Variants in SPATA33 observed in about 807,000 individuals in gnomAD.
SPATA33 encodes spermatogenesis associated 33.
SPATA33 carries 10 observed loss-of-function variants against 8.9 expected under a neutral mutation model. That is an observed-to-expected ratio of 1.12 (90% CI 0.69 to 1.90). The LOEUF is 1.90. Among genes scored for constraint, SPATA33 ranks in the 40% most tolerant of loss-of-function variants. SPATA33 has a pLI of 0.00. For missense variants in SPATA33, 241 were observed against 178.3 expected, an observed-to-expected ratio of 1.35 and a Z score of -2.00; for synonymous variants, 96 against 72.8, an observed-to-expected ratio of 1.32 and a Z score of -1.63.
At chr16:89,668,290 T>C (rs1815711978) in intron 2 of SPATA33, among the ~76,000 whole-genome samples, 1 of 152,158 alleles carries the variant, frequency 6.6e-6, no homozygotes, top group African/African-American at 2.4e-5. Context: ...CCAGCCTGGG[T>C]GACAGAGCGA....
Position 89,669,556 on chromosome 16 carries a change from C to A in SPATA33, c.*59C>A, listed in dbSNP as rs2060072301. The A allele has an allele frequency of 1.3e-6, 2 of 1,560,484 alleles. No individual in the cohort carries two copies. The highest frequency in any genetic ancestry group is 1.1e-5 in the South Asian group (1 of 89,114). On this transcript the variant is annotated 3_prime_UTR_variant, in exon 3 of 3. Coordinates refer to ENST00000579310, the MANE Select transcript of SPATA33 (RefSeq NM_001271907.2). ...GCGATAGGCGTCTCGGGAACAGCCG[C>A]CTCACCCTGTGAGAAGCCGAGGCCC...
intron 2 of SPATA33, chr16:89,659,704 TAAGG>T (rs1278739463): frequency 6.7e-6 from 1 of 149,908 alleles, no homozygotes; most frequent in Non-Finnish European, 1.5e-5. Context: ...AAAAAAATAA[TAAGG>T]AGAGAACCAC....
chr16:89,669,335 A>G lies in SPATA33; in HGVS notation c.261A>G (p.Pro87=), dbSNP rs1249362688. Residue 87 remains proline (P), a synonymous_variant, in exon 3 of 3, where the codon CCA becomes CCG. Coordinates refer to ENST00000579310, the MANE Select transcript of SPATA33 (RefSeq NM_001271907.2). The stretch of plus-strand genomic sequence containing the variant: ...CCAGCAGGAAGAAAGTGGTCGTTCC[A>G]CAGATCATCATCACGCGAGCGTCGA... ...QKSSRKKVVV[P]QIIITRASNE... The G allele has an allele frequency of 3.1e-6, 5 of 1,614,212 alleles. No homozygotes were observed. The East Asian group carries it at 8.9e-5, about 29-fold the overall frequency.
At chr16:89,664,199 T>C (rs557997634) in intron 2 of SPATA33, among the ~76,000 whole-genome samples, 11 of 152,186 alleles carry the variant, frequency 7.2e-5, no homozygotes, top group African/African-American at 4.8e-5. Context: ...CAAACTCTTA[T>C]AAACAATTGT....
In SPATA33 at chr16:89,657,949, G is replaced by T. The variant is rs1356161103; in HGVS notation, c.37+1G>T. 3 of 1,515,232 alleles carry T rather than the reference G, an allele frequency of 2.0e-6. No individual in the cohort carries two copies. The African/African-American group carries it at 4.3e-5, about 22-fold the overall frequency. 93.9% of individuals were successfully genotyped at this position (1,515,232 alleles called of 1,614,324 possible). On this transcript the variant is annotated splice_donor_variant, in intron 1 of 2. Transcript: ENST00000579310. LOFTEE classifies it high-confidence loss of function. ...AAAAGCAAAGAGAAACCCAGGAAAGGTAAAGGAGGCGCAGGCGCTGGGCTC... is the reference window on the plus strand; with the variant it reads ...AAAAGCAAAGAGAAACCCAGGAAAGTTAAAGGAGGCGCAGGCGCTGGGCTC...
At chr16:89,660,578 C>A (rs938483758) in intron 2 of SPATA33, 380 of 1,227,942 alleles carry the variant, frequency 3.1e-4, no homozygotes, top group Non-Finnish European at 3.7e-4. Context: ...GCTGCTGACT[C>A]CCTTGCCACA....
At chr16:89,669,224 G>C (rs886714993) in intron 2 of SPATA33, 62 bp from the exon 3 acceptor site, 38 of 1,455,666 alleles carry the variant, frequency 2.6e-5, no homozygotes, top group South Asian at 3.4e-5. Context: ...GGCAGGAGGT[G>C]TGTGCATCGT....
chr16:89,660,400 A>T, intron 2 of SPATA33: 1 of 1,142,438 alleles, frequency 8.8e-7, no homozygotes, highest in Non-Finnish European at 1.1e-6. Flanking sequence ...GGGAAGGAGG[A>T]CCGCCTGTTG....
At chr16:89,666,618 A>T (rs2060028969) in intron 2 of SPATA33, among the ~76,000 whole-genome samples, 1 of 152,124 alleles carries the variant, frequency 6.6e-6, no homozygotes, top group African/African-American at 2.4e-5. Flanking sequence ...CAAGGCAAAG[A>T]GATAAAAGAC....
At chr16:89,658,553 T>A in intron 2 of SPATA33, 132 bp downstream of exon 2, 2 of 1,240,736 alleles carry the variant, frequency 1.6e-6, no homozygotes, top group South Asian at 3.0e-5. Flanking sequence ...TGAAACTGGT[T>A]TGTTTTGGGA....
In SPATA33 at chr16:89,657,956, A is replaced by G. The variant is rs1358800715; in HGVS notation, c.37+8A>G. On this transcript the variant is annotated splice_region_variant and intron_variant, in intron 1 of 2. Coordinates refer to ENST00000579310, the MANE Select transcript of SPATA33 (RefSeq NM_001271907.2). ...AAGAGAAACCCAGGAAAGGTAAAGG[A>G]GGCGCAGGCGCTGGGCTCCCCGCGT... 6.6e-7 allele frequency: 1 copy of G among 1,512,066 alleles called. No homozygotes were observed. Among genetic ancestry groups the G allele is most frequent in the South Asian group, 1.2e-5 (1 of 81,534 alleles). The allele number at this position is 1,512,066 out of a possible 1,614,324, so 93.7% of individuals were successfully genotyped here.
intron 2 of SPATA33, among the ~76,000 whole-genome samples, chr16:89,665,634 A>C (rs768125254): frequency 6.7e-4 from 102 of 152,184 alleles, no homozygotes; most frequent in Admixed American, 1.0e-3. Flanking sequence ...AAATGAAGAA[A>C]CTATACTTTG....
At chr16:89,666,609 A>C (rs539981980) in intron 2 of SPATA33, among the ~76,000 whole-genome samples, 1 of 152,138 alleles carries the variant, frequency 6.6e-6, no homozygotes, top group Non-Finnish European at 1.5e-5. Context: ...ATAAAGACAC[A>C]AGGCAAAGAG....
intron 2 of SPATA33, among the ~76,000 whole-genome samples, chr16:89,668,625 C>T (rs1184689589): frequency 2.1e-5 from 3 of 145,846 alleles, no homozygotes; most frequent in Non-Finnish European, 3.0e-5. Flanking sequence ...AGGAAGGGGG[C>T]GGGCGGCTGT....
chr16:89,660,347 G>A, intron 2 of SPATA33: 1 of 608,676 alleles, frequency 1.6e-6, no homozygotes, highest in East Asian at 3.5e-5. Flanking sequence ...AGGGAGCTGT[G>A]AAGCATGGGA....
chr16:89,660,312 A>G (rs1252082121), intron 2 of SPATA33: 14 of 443,088 alleles, frequency 3.2e-5, no homozygotes, highest in African/African-American at 1.0e-4. Flanking sequence ...GACTCATTCA[A>G]TGGTGCAAAT....
At chr16:89,660,812 C>G (rs2151526579) in intron 2 of SPATA33, 1 of 1,098,850 alleles carries the variant, frequency 9.1e-7, no homozygotes, top group Non-Finnish European at 1.1e-6. Flanking sequence ...ATGGGAAGCA[C>G]TGCAGTTTAG....
intron 2 of SPATA33, chr16:89,661,296 G>A: frequency 1.3e-6 from 1 of 777,592 alleles, no homozygotes; most frequent in Non-Finnish European, 1.6e-6. Context: ...GAATTATGGG[G>A]GCAGGTCTTT....
intron 1 of SPATA33, 61 bp downstream of exon 1, chr16:89,658,009 G>GGGGCT (rs746399057): frequency 9.4e-6 from 14 of 1,491,804 alleles, no homozygotes; most frequent in East Asian, 5.4e-5. Flanking sequence ...GGCCCAGGGC[G>GGGGCT]GGGCTGGGCT....
Sources: allele counts gnomAD v4.1 joint callset (sites outside exome capture counted in the v4.1 genomes callset), GRCh38; gene constraint gnomAD v4.1.1; transcripts MANE v1.5; gene names NCBI Gene and HGNC (gene_info 2026-07-23, HGNC 2026-07-21).